The following PDCL2 variants were observed in gnomAD, a reference collection of about 807,000 sequenced individuals.
PDCL2 encodes the protein phosducin like 2, also known as phosducin-like protein 2.
A neutral mutation model predicts 30.3 loss-of-function variants in PDCL2; 23 were observed. That is an observed-to-expected ratio of 0.76 (90% CI 0.55 to 1.08). The LOEUF (loss-of-function observed/expected upper bound fraction) is 1.08, where lower values mean the gene tolerates loss of function less well. Ranked by LOEUF, PDCL2 falls within the 50% of genes least tolerant of loss-of-function variation. PDCL2 has a pLI of 0.00. For missense variants in PDCL2, 243 were observed against 282.3 expected (o/e 0.86, Z 1.00); for synonymous variants, 68 against 86.2 (o/e 0.79, Z 1.17).
intron 1 of PDCL2, among the ~76,000 whole-genome samples, chr4:55,590,614 G>A (rs916323786): frequency 4.0e-5 from 6 of 151,736 alleles, no homozygotes; most frequent in African/African-American, 1.5e-4. Context: ...AGCCTCCCAA[G>A]TAGCTGGGAC....
chr4:55,592,149 C>A lies in PDCL2; in HGVS notation c.-40G>T, dbSNP rs1255908487. The A allele has an allele frequency of 1.2e-6, 2 of 1,605,734 alleles. No homozygotes were observed. The highest frequency in any genetic ancestry group is 2.3e-5 in the East Asian group (1 of 44,342). On this transcript the variant is annotated 5_prime_UTR_variant, in exon 1 of 6. Transcript: ENST00000295645. Reference sequence around the variant, plus strand: ...CCCCTCAAGAGCCCGCGTCGTCCTGCAGCTGGCGAGGCGCCACGGATGGAG... The same window carrying A: ...CCCCTCAAGAGCCCGCGTCGTCCTGAAGCTGGCGAGGCGCCACGGATGGAG...
At chr4:55,565,312 C>A (rs999542386) in intron 4 of PDCL2, among the ~76,000 whole-genome samples, 4 of 152,116 alleles carry the variant, frequency 2.6e-5, no homozygotes, top group Admixed American at 1.3e-4. Context: ...AGTCCGTTCT[C>A]ATGCTGCTAA....
At chr4:55,559,280 T>G (rs879003239) in intron 5 of PDCL2, among the ~76,000 whole-genome samples, 1 of 152,124 alleles carries the variant, frequency 6.6e-6, no homozygotes, top group Non-Finnish European at 1.5e-5. Flanking sequence ...TTGAGAAAAT[T>G]TTTACAGGTG....
chr4:55,557,297 A>T (rs1731996382), intron 5 of PDCL2, among the ~76,000 whole-genome samples: 1 of 152,196 alleles, frequency 6.6e-6, no homozygotes, highest in Non-Finnish European at 1.5e-5. Context: ...ATTTATAAAG[A>T]ACAGAGATTT....
intron 3 of PDCL2, among the ~76,000 whole-genome samples, chr4:55,579,577 A>G (rs1259491660): frequency 1.3e-5 from 2 of 152,180 alleles, no homozygotes; most frequent in Non-Finnish European, 2.9e-5. Flanking sequence ...TTGGCCTTCC[A>G]AAGTGCTGGA....
intron 4 of PDCL2, among the ~76,000 whole-genome samples, chr4:55,568,211 A>G (rs1220142188): frequency 6.6e-6 from 1 of 152,162 alleles, no homozygotes; most frequent in Non-Finnish European, 1.5e-5. Flanking sequence ...CTGTTCCTAG[A>G]ATGGTTTATA....
At chr4:55,574,334 C>T (rs1157746462) in intron 3 of PDCL2, among the ~76,000 whole-genome samples, 1 of 152,174 alleles carries the variant, frequency 6.6e-6, no homozygotes, top group Admixed American at 6.5e-5. Flanking sequence ...TGAAAGACTA[C>T]ATTTGCCAGC....
At chr4:55,561,143 G>A (rs879136013) in intron 5 of PDCL2, among the ~76,000 whole-genome samples, 2 of 151,922 alleles carry the variant, frequency 1.3e-5, no homozygotes, top group Non-Finnish European at 2.9e-5. Context: ...AAAAAACAAG[G>A]TGGTGAAACA....
chr4:55,582,512 A>T (rs544462732), intron 1 of PDCL2, among the ~76,000 whole-genome samples: 1 of 152,352 alleles, frequency 6.6e-6, no homozygotes, highest in East Asian at 1.9e-4. Flanking sequence ...AATTTGCTGA[A>T]GACTGTATTG....
At chr4:55,558,148 A>G (rs1185025985) in intron 5 of PDCL2, among the ~76,000 whole-genome samples, 1 of 151,668 alleles carries the variant, frequency 6.6e-6, no homozygotes, top group Non-Finnish European at 1.5e-5. Flanking sequence ...AAAAGAATGA[A>G]GTGAAATTTT....
At chr4:55,557,686 C>A (rs1263234784) in intron 5 of PDCL2, among the ~76,000 whole-genome samples, 1 of 151,996 alleles carries the variant, frequency 6.6e-6, no homozygotes, top group African/African-American at 2.4e-5. Context: ...TCCCAGTAGC[C>A]CCCAAAGTCT....
At chr4:55,574,938 C>T (rs1732524756) in intron 3 of PDCL2, among the ~76,000 whole-genome samples, 1 of 152,154 alleles carries the variant, frequency 6.6e-6, no homozygotes, top group Non-Finnish European at 1.5e-5. Flanking sequence ...AGTGGAATTG[C>T]TGGGTCATAT....
In PDCL2 at chr4:55,592,097, C is replaced by T; in HGVS notation, c.6+7G>A. The T allele has an allele frequency of 6.2e-7, 1 of 1,608,778 alleles. No individual in the cohort carries two copies. The highest frequency in any genetic ancestry group is 1.3e-5 in the African/African-American group (1 of 74,888). ...TCCAGGGTGGCTCGGCAGGTCCCGA[C>T]CCTCACCTGCATGATGCGCTGCTCT... is the stretch of plus-strand genomic sequence containing the variant. On this transcript the variant is annotated splice_region_variant and intron_variant, in intron 1 of 5. Coordinates refer to ENST00000295645, the MANE Select transcript of PDCL2 (RefSeq NM_152401.3).
intron 5 of PDCL2, among the ~76,000 whole-genome samples, chr4:55,559,141 AG>A (rs1425175695): frequency 1.3e-5 from 2 of 152,220 alleles, no homozygotes; most frequent in Non-Finnish European, 2.9e-5. Context: ...GAACTGGTGA[AG>A]ATGTGGGTAT....
At chr4:55,583,936 G>A (rs1732790690) in intron 1 of PDCL2, among the ~76,000 whole-genome samples, 1 of 152,100 alleles carries the variant, frequency 6.6e-6, no homozygotes, top group South Asian at 2.1e-4. Flanking sequence ...TTCTACTTCT[G>A]TATAAAAGGG....
At chr4:55,570,326 G>T (rs1732389832) in intron 3 of PDCL2, among the ~76,000 whole-genome samples, 1 of 152,160 alleles carries the variant, frequency 6.6e-6, no homozygotes, top group South Asian at 2.1e-4. Flanking sequence ...TTAAATGTTA[G>T]TAACAGTCAT....
Position 55,582,551 on chromosome 4 carries a change from TAC to T in PDCL2, c.7-316_7-315del, listed in dbSNP as rs531339482. The stretch of plus-strand genomic sequence containing the variant: ...AAAACCAATTCACATCATACACAAA[TAC>T]AGTTTGGTTTCTTTTTCTACAGAAG... On this transcript the variant is annotated intron_variant, in intron 1 of 5. Coordinates refer to ENST00000295645, the MANE Select transcript of PDCL2 (RefSeq NM_152401.3). Among the ~76,000 whole-genome samples the T allele has an allele frequency of 3.3e-5, 5 of 152,296 alleles. No homozygotes were observed. In the East Asian group the frequency reaches 9.6e-4, roughly 29 times the overall value.
intron 4 of PDCL2, among the ~76,000 whole-genome samples, chr4:55,565,278 C>T (rs1732231205): frequency 6.6e-6 from 1 of 152,084 alleles, no homozygotes; most frequent in South Asian, 2.1e-4. Context: ...CAGAAGCAGA[C>T]TTAGCACACA....
In PDCL2 at chr4:55,576,514, CAAAT is replaced by C. The variant is rs145541738; in HGVS notation, c.218+4303_218+4306del. 2.9e-3 allele frequency among the ~76,000 whole-genome samples: 439 copies of C among 152,216 alleles called. 2 individuals are homozygous for C. Among genetic ancestry groups the C allele is most frequent in the African/African-American group, 0.01 (434 of 41,530 alleles). On this transcript the variant is annotated intron_variant, in intron 3 of 5. Coordinates refer to ENST00000295645, the MANE Select transcript of PDCL2 (RefSeq NM_152401.3). ...ATAACAATGTAGTCTGTGACACTAA[CAAAT>C]AAGGAGAAGGATGGAGATGTGTTTA...
Sources: allele counts gnomAD v4.1 joint callset (sites outside exome capture counted in the v4.1 genomes callset), GRCh38; gene constraint gnomAD v4.1.1; transcripts MANE v1.5; gene names NCBI Gene and HGNC (gene_info 2026-07-23, HGNC 2026-07-21).